DRD2: variants seen among roughly 807,000 people sequenced by gnomAD.
The protein encoded by DRD2 is dopamine receptor D2.
In DRD2, 8 loss-of-function variants were observed where a neutral mutation model predicts 38.0. That is an observed-to-expected ratio of 0.21 (90% CI 0.12 to 0.38). The LOEUF (loss-of-function observed/expected upper bound fraction) is 0.38. Ranked by LOEUF, DRD2 falls within the 10% of genes least tolerant of loss-of-function variation. DRD2 has a pLI of 1.00. For missense variants in DRD2, 403 were observed against 607.7 expected (o/e 0.66, Z 3.54); for synonymous variants, 230 against 238.6 (o/e 0.96, Z 0.33).
chr11:113,447,093 A>G (rs975827186), intron 1 of DRD2, among the ~76,000 whole-genome samples: 19 of 152,184 alleles, frequency 1.2e-4, no homozygotes, highest in African/African-American at 4.1e-4. Flanking sequence ...ATCCTCTAGC[A>G]TGTCATAGCC....
intron 1 of DRD2, among the ~76,000 whole-genome samples, chr11:113,465,851 G>T (rs1022371690): frequency 6.6e-6 from 1 of 152,230 alleles, no homozygotes; most frequent in Non-Finnish European, 1.5e-5. Flanking sequence ...TGGAGCACAG[G>T]TTGGGAAGGG....
At chr11:113,461,893 A>G (rs1365599071) in intron 1 of DRD2, among the ~76,000 whole-genome samples, 1 of 152,116 alleles carries the variant, frequency 6.6e-6, no homozygotes, top group East Asian at 1.9e-4. Context: ...TGCACGCCCA[A>G]TCACCACCCT....
At position 113,410,790 on chromosome 11, in the gene DRD2, G is replaced by C. The variant is rs1391910724; in HGVS notation, c.1269C>G (p.Pro423=). The stretch of plus-strand genomic sequence containing the variant: ...CAATGTTGAAGGTGGTGTAGATGAT[G>C]GGGTTCACGGCGCTGTTGACATAGC... ...WLGYVNSAVN[P]IIYTTFNIEF... The change falls in exon 8 of 8, where the codon CCC becomes CCG. Residue 423 remains proline (P), a synonymous_variant. Coordinates refer to ENST00000362072, the MANE Select transcript of DRD2 (RefSeq NM_000795.4). 13 of 1,614,024 alleles carry C rather than the reference G, an allele frequency of 8.1e-6. No homozygotes were observed. The highest frequency in any genetic ancestry group is 8.5e-6 in the Non-Finnish European group (10 of 1,180,022).
Position 113,424,350 on chromosome 11 carries a change from G to A in DRD2, c.285+17C>T, listed in dbSNP as rs746767289. 6.2e-7 allele frequency: 1 copy of A among 1,613,328 alleles called. No homozygotes were observed. Among genetic ancestry groups the A allele is most frequent in the Non-Finnish European group, 8.5e-7 (1 of 1,179,678 alleles). ...CCTGCTGGAGAAAGTGCTGGAGCAA[G>A]CAGGGGGCCCACCTACCTCCAGGTA... is the stretch of plus-strand genomic sequence containing the variant. On this transcript the variant is annotated intron_variant, in intron 2 of 7. Transcript: ENST00000362072.
chr11:113,424,624 C>G lies in DRD2; in HGVS notation c.28G>C (p.Asp10His), dbSNP rs752635005. ...CAGTTCTGCCTCTCCAGATCATCAT[C>G]ATACCAGGACAGATTCAGTGGATCC... MDPLNLSWY[D>H]DDLERQNWSR... is the part of the protein sequence containing the mutation. The change falls in exon 2 of 8, where the codon GAT (aspartate) becomes CAT (histidine). Residue 10 changes from aspartate to histidine, a missense_variant. This residue lies in a region of DRD2 where 162 missense variants were observed against 254.5 expected (regional missense o/e 0.64). Coordinates refer to ENST00000362072, the MANE Select transcript of DRD2 (RefSeq NM_000795.4). 3 of 1,614,224 alleles carry G rather than the reference C, an allele frequency of 1.9e-6. No individual in the cohort carries two copies. Among genetic ancestry groups the G allele is most frequent in the Non-Finnish European group, 2.5e-6 (3 of 1,180,042 alleles).
rs758554175 is a variant in DRD2, at chr11:113,412,906, TG to T, written c.811-24del. On this transcript the variant is annotated intron_variant, in intron 6 of 7. Coordinates refer to ENST00000362072, the MANE Select transcript of DRD2 (RefSeq NM_000795.4). ...CTCCTGCACCAGAGGCAGAGGGCTCTGGGTAAAGCCGGACAAGTTCCCAGGC... is the reference window on the plus strand; with the variant it reads ...CTCCTGCACCAGAGGCAGAGGGCTCTGGTAAAGCCGGACAAGTTCCCAGGC... 1.2e-5 allele frequency: 19 copies of T among 1,604,312 alleles called. No individual in the cohort carries two copies. The South Asian group carries it at 1.5e-4, about 13-fold the overall frequency.
At chr11:113,444,616 G>A (rs992360884) in intron 1 of DRD2, among the ~76,000 whole-genome samples, 1 of 152,196 alleles carries the variant, frequency 6.6e-6, no homozygotes, top group Admixed American at 6.5e-5. Context: ...CAACCTGAAT[G>A]ACTGTCTTTT....
Position 113,472,288 on chromosome 11 carries a change from G to A in DRD2, c.-32+2788C>T, listed in dbSNP as rs368101790. Among the ~76,000 whole-genome samples the A allele has an allele frequency of 1.6e-4, 25 of 152,264 alleles. No individual in the cohort carries two copies. In the South Asian group the frequency reaches 5.2e-3, roughly 32 times the overall value. On this transcript the variant is annotated intron_variant, in intron 1 of 7. Coordinates refer to ENST00000362072, the MANE Select transcript of DRD2 (RefSeq NM_000795.4). ...GGGGAGATGGAAACCATTCTCTCCA[G>A]GCAGAGTCCCCACGTCTTTCCCCTT...
At chr11:113,452,469 T>TGTGTGTGTGCGC (rs1210531875) in intron 1 of DRD2, among the ~76,000 whole-genome samples, 44 of 118,816 alleles carry the variant, frequency 3.7e-4, no homozygotes, top group African/African-American at 1.0e-3. Flanking sequence ...TGTGTGTGTG[T>TGTGTGTGTGCGC]GCGCGCGCGC....
At chr11:113,433,624 T>C (rs868303955) in intron 1 of DRD2, among the ~76,000 whole-genome samples, 5 of 152,184 alleles carry the variant, frequency 3.3e-5, no homozygotes, top group African/African-American at 7.2e-5. Context: ...GCAGCAGCTC[T>C]TGGCTATGTT....
chr11:113,470,805 G>A (rs1352539105), intron 1 of DRD2, among the ~76,000 whole-genome samples: 1 of 152,146 alleles, frequency 6.6e-6, no homozygotes, highest in Non-Finnish European at 1.5e-5. Context: ...CACTGCAGCA[G>A]CACAGTTTCT....
intron 1 of DRD2, among the ~76,000 whole-genome samples, chr11:113,462,440 T>A (rs143644687): frequency 3.3e-5 from 5 of 152,100 alleles, no homozygotes; most frequent in Non-Finnish European, 7.4e-5. Context: ...TGTACCCTTA[T>A]AAGAAGCAGA....
At chr11:113,450,911 A>G (rs964142910) in intron 1 of DRD2, among the ~76,000 whole-genome samples, 1 of 152,212 alleles carries the variant, frequency 6.6e-6, no homozygotes, top group Non-Finnish European at 1.5e-5. Flanking sequence ...GAGGATTACT[A>G]GATTAGGTGA....
chr11:113,455,567 G>A (rs1021334590), intron 1 of DRD2, among the ~76,000 whole-genome samples: 1 of 151,878 alleles, frequency 6.6e-6, no homozygotes, highest in Admixed American at 6.6e-5. Context: ...AACATATAAG[G>A]AACTCAAACT....
intron 1 of DRD2, among the ~76,000 whole-genome samples, chr11:113,432,682 T>A (rs1169624954): frequency 6.6e-6 from 1 of 151,914 alleles, no homozygotes; most frequent in Non-Finnish European, 1.5e-5. Flanking sequence ...GTGACTTGAG[T>A]TGGATAGGAA....
At chr11:113,415,672 A>G (rs1950818887) in intron 4 of DRD2, 61 bp from the exon 5 acceptor site, 2 of 1,545,916 alleles carry the variant, frequency 1.3e-6, no homozygotes, top group Non-Finnish European at 8.8e-7. Flanking sequence ...ATAATTCCAC[A>G]AGAGCCCATT....
chr11:113,433,445 AGCCCAGGGAGT>A (rs1404807942), intron 1 of DRD2, among the ~76,000 whole-genome samples: 1 of 152,162 alleles, frequency 6.6e-6, no homozygotes, highest in African/African-American at 2.4e-5. Flanking sequence ...CGTTAGTGGA[AGCCCAGGGAGT>A]GGCCTGGACT....
Position 113,418,203 on chromosome 11 carries a change from G to C in DRD2, c.286-67C>G. 2.2e-6 allele frequency: 3 copies of C among 1,352,508 alleles called. No individual in the cohort carries two copies. In the South Asian group the frequency reaches 3.6e-5, roughly 16 times the overall value. 83.8% of individuals were successfully genotyped at this position (1,352,508 alleles called of 1,614,324 possible). A position where few individuals can be genotyped will look rare whatever the true frequency, so the allele number is the denominator to read the frequency against. ...AGATTAGCTTAGGTCCTGTAGCCTG[G>C]TACTCCTGGAGCCGATGAGGCCACA... On this transcript the variant is annotated intron_variant, in intron 2 of 7. Coordinates refer to ENST00000362072, the MANE Select transcript of DRD2 (RefSeq NM_000795.4).
At chr11:113,466,010 T>A (rs990686770) in intron 1 of DRD2, among the ~76,000 whole-genome samples, 2 of 152,208 alleles carry the variant, frequency 1.3e-5, no homozygotes. Context: ...CAGGTAAGTA[T>A]ATAGTCATCC....
Sources: allele counts gnomAD v4.1 joint callset (sites outside exome capture counted in the v4.1 genomes callset), GRCh38; gene constraint gnomAD v4.1.1; regional missense constraint gnomAD v4.1.1; transcripts MANE v1.5; gene names NCBI Gene and HGNC (gene_info 2026-07-23, HGNC 2026-07-21).